DSCAML1: variants seen among roughly 807,000 people sequenced by gnomAD.
DSCAML1 encodes the protein cell adhesion molecule DSCAML1.
Under a neutral mutation model 200.5 loss-of-function variants are expected in DSCAML1, and 38 were observed. The observed-to-expected ratio is 0.19, with a 90% CI of 0.15 to 0.25. The LOEUF (loss-of-function observed/expected upper bound fraction) is 0.25, where lower values mean the gene tolerates loss of function less well. DSCAML1 is among the 10% of genes least tolerant of loss of function. The pLI is 1.00. For synonymous variants in DSCAML1, 1,215 were observed against 1,165.0 expected (o/e 1.04, Z -0.87); for missense variants, 2,223 against 2,858.8 (o/e 0.78, Z 5.07).
chr11:117,587,687 C>T (rs768526629), intron 3 of DSCAML1, among the ~76,000 whole-genome samples: 28 of 152,246 alleles, frequency 1.8e-4, no homozygotes, highest in Non-Finnish European at 3.1e-4. Context: ...TTACCCTCTG[C>T]GAGTGGAAAA....
chr11:117,609,085 G>C (rs1235556496), intron 3 of DSCAML1, among the ~76,000 whole-genome samples: 5 of 151,722 alleles, frequency 3.3e-5, no homozygotes, highest in Non-Finnish European at 5.9e-5. Flanking sequence ...TGTAATCCCA[G>C]CTACTTGTGA....
chr11:117,593,164 C>G (rs921574708), intron 3 of DSCAML1, among the ~76,000 whole-genome samples: 1 of 151,994 alleles, frequency 6.6e-6, no homozygotes, highest in Non-Finnish European at 1.5e-5. Flanking sequence ...CCTGGGCCCA[C>G]GTGTCCTGCC....
intron 3 of DSCAML1, among the ~76,000 whole-genome samples, chr11:117,542,318 A>G (rs917531181): frequency 1.9e-5 from 2 of 102,858 alleles, no homozygotes; most frequent in African/African-American, 6.5e-5. Flanking sequence ...AAAACAAAAC[A>G]AAACAAAACA....
chr11:117,808,531 A>G (rs1183311626), intron 1 of DSCAML1, among the ~76,000 whole-genome samples: 2 of 152,156 alleles, frequency 1.3e-5, no homozygotes, highest in Non-Finnish European at 2.9e-5. Context: ...GGAGAGAGAG[A>G]TCCCAGACTA....
intron 3 of DSCAML1, among the ~76,000 whole-genome samples, chr11:117,657,554 G>A (rs1294206730): frequency 6.6e-6 from 1 of 152,178 alleles, no homozygotes; most frequent in African/African-American, 2.4e-5. Context: ...TGAATTTAAT[G>A]CTCCGTGTCA....
intron 20 of DSCAML1, among the ~76,000 whole-genome samples, chr11:117,449,304 G>A (rs962930331): frequency 5.3e-5 from 8 of 152,174 alleles, no homozygotes; most frequent in South Asian, 2.1e-4. Flanking sequence ...GAAAATTCGC[G>A]GAGGTCTACA....
chr11:117,574,234 C>T (rs76959909), intron 3 of DSCAML1, among the ~76,000 whole-genome samples: 11 of 152,314 alleles, frequency 7.2e-5, no homozygotes, highest in Non-Finnish European at 1.0e-4. Flanking sequence ...CATTTAGAGG[C>T]AGGGGAAGGA....
In DSCAML1 at chr11:117,437,024, C is replaced by T; in HGVS notation, c.4720+98G>A. 6.8e-7 allele frequency: 1 copy of T among 1,469,056 alleles called. No individual in the cohort carries two copies. Among genetic ancestry groups the T allele is most frequent in the South Asian group, 1.3e-5 (1 of 74,334 alleles). 91.0% of individuals were successfully genotyped at this position (1,469,056 alleles called of 1,614,324 possible). On this transcript the variant is annotated intron_variant, in intron 26 of 32. Transcript: ENST00000651296. The surrounding 1 kb of genome is among the most constrained non-coding windows in gnomAD (Gnocchi z 5.3). ...CCCACCTGCATTCCTGCCTGTTTTT[C>T]TATTAGTCTGTCTCTTTATGTATCT...
intron 3 of DSCAML1, among the ~76,000 whole-genome samples, chr11:117,767,369 T>C (rs2054917651): frequency 6.6e-6 from 1 of 152,162 alleles, no homozygotes; most frequent in Non-Finnish European, 1.5e-5. Context: ...GAAAAGCACT[T>C]ATCACGGACG....
intron 3 of DSCAML1, among the ~76,000 whole-genome samples, chr11:117,726,075 C>T (rs538331873): frequency 2.8e-4 from 43 of 152,302 alleles, no homozygotes; most frequent in Admixed American, 2.2e-3. Flanking sequence ...CAGAGGGCAC[C>T]GCAGCCATAG....
Position 117,642,388 on chromosome 11 carries a change from C to T in DSCAML1, c.512-109866G>A, listed in dbSNP as rs2052429078. Among the ~76,000 whole-genome samples, 2 of 152,070 alleles carry T rather than the reference C, an allele frequency of 1.3e-5. No homozygotes were observed. Among genetic ancestry groups the T allele is most frequent in the South Asian group, 4.2e-4 (2 of 4,810 alleles). Reference sequence around the variant, plus strand: ...CAAAAATTTGCCCTTCTAGGTGGGTCTGTGTATAAGTCTGACACCCACAGG... The same window carrying T: ...CAAAAATTTGCCCTTCTAGGTGGGTTTGTGTATAAGTCTGACACCCACAGG... On this transcript the variant is annotated intron_variant, in intron 3 of 32. Transcript: ENST00000651296. The surrounding 1 kb of genome is among the most constrained non-coding windows in gnomAD (Gnocchi z 4.1).
intron 3 of DSCAML1, among the ~76,000 whole-genome samples, chr11:117,702,314 A>G (rs1465747147): frequency 1.3e-5 from 2 of 151,796 alleles, no homozygotes; most frequent in Non-Finnish European, 2.9e-5. Context: ...CCACACCTCC[A>G]TCCACTGCCC....
chr11:117,472,374 C>G (rs1592631126), intron 14 of DSCAML1, among the ~76,000 whole-genome samples: 1 of 152,212 alleles, frequency 6.6e-6, no homozygotes, highest in African/African-American at 2.4e-5. Flanking sequence ...GCCCTTCTTC[C>G]TGGGTCTCCC....
intron 16 of DSCAML1, among the ~76,000 whole-genome samples, chr11:117,467,476 T>C (rs1461481627): frequency 6.6e-6 from 1 of 152,128 alleles, no homozygotes; most frequent in Non-Finnish European, 1.5e-5. Flanking sequence ...AATAGTGAGA[T>C]AAAAACAATT....
chr11:117,519,125 T>C (rs2049838628), intron 6 of DSCAML1, among the ~76,000 whole-genome samples: 1 of 152,234 alleles, frequency 6.6e-6, no homozygotes. Flanking sequence ...TTCAGAGGCT[T>C]CACACAGCGC....
intron 3 of DSCAML1, among the ~76,000 whole-genome samples, chr11:117,635,054 C>T (rs1431382826): frequency 6.6e-6 from 1 of 152,242 alleles, no homozygotes. Context: ...GGTCGCACAA[C>T]AGTCAGCAAA....
At chr11:117,428,956 G>A (rs956477663) in intron 32 of DSCAML1, among the ~76,000 whole-genome samples, 153 bp from the exon 33 acceptor site, 13 of 152,176 alleles carry the variant, frequency 8.5e-5, no homozygotes, top group African/African-American at 2.2e-4. Flanking sequence ...CGGAAAGGTC[G>A]GGTACTTGGC....
intron 27 of DSCAML1, among the ~76,000 whole-genome samples, 171 bp downstream of exon 27, chr11:117,435,473 C>G (rs1046165528): frequency 6.6e-6 from 1 of 152,196 alleles, no homozygotes; most frequent in Non-Finnish European, 1.5e-5. Context: ...AAGTGGTGAA[C>G]GAAACCTTCT....
At chr11:117,560,392 A>C (rs1271129477) in intron 3 of DSCAML1, among the ~76,000 whole-genome samples, 1 of 152,174 alleles carries the variant, frequency 6.6e-6, no homozygotes, top group Admixed American at 6.5e-5. Flanking sequence ...CTCTACTGTC[A>C]TATCCTCATT....
Sources: gnomAD v4.1 joint callset for allele counts (sites outside exome capture counted in the v4.1 genomes callset) on GRCh38, gnomAD v4.1.1 for gene constraint, Gnocchi (gnomAD v3.1) non-coding constraint, MANE v1.5 for transcripts, NCBI Gene and HGNC (gene_info 2026-07-23, HGNC 2026-07-21) for gene names.